ANKS1B: variants seen among roughly 807,000 people sequenced by gnomAD.
The protein encoded by ANKS1B is ankyrin repeat and sterile alpha motif domain containing 1B, also known as ankyrin repeat and sterile alpha motif domain-containing protein 1B.
A neutral mutation model predicts 148.3 loss-of-function variants in ANKS1B; 36 were observed. The ratio of observed to expected loss-of-function variants is 0.24; its 90% confidence interval spans 0.19 to 0.32. The LOEUF is 0.32. ANKS1B is among the 10% of genes least tolerant of loss of function. The pLI is 1.00. For missense variants in ANKS1B, 1,157 were observed against 1,542.6 expected, an observed-to-expected ratio of 0.75 and a Z score of 4.19; for synonymous variants, 542 against 560.8, an observed-to-expected ratio of 0.97 and a Z score of 0.47.
At chr12:99,915,560 G>C (rs1176650259) in intron 1 of ANKS1B, among the ~76,000 whole-genome samples, 2 of 152,150 alleles carry the variant, frequency 1.3e-5, no homozygotes, top group African/African-American at 4.8e-5. Flanking sequence ...ATCAGAGGTG[G>C]CACTTAGCCA....
At chr12:99,094,671 A>G (rs1214319798) in intron 15 of ANKS1B, among the ~76,000 whole-genome samples, 1 of 152,182 alleles carries the variant, frequency 6.6e-6, no homozygotes, top group Non-Finnish European at 1.5e-5. Flanking sequence ...TGAGGTGAGG[A>G]AAAAGGTGAG....
chr12:99,655,205 G>C lies in ANKS1B; in HGVS notation c.1134C>G (p.Thr378=). The C allele has an allele frequency of 1.2e-6, 2 of 1,604,536 alleles. No homozygotes were observed. Among genetic ancestry groups the C allele is most frequent in the Non-Finnish European group, 1.7e-6 (2 of 1,174,664 alleles). ...CTGGTGACAAATTGATTGTAGATGA[G>C]GTTCTCTGAAATTAAATTTATATCA... The part of the protein sequence containing the change: ...LGKNGSQSVR[T]SSTINLSPGE... The change falls in exon 9 of 27, where the codon ACC becomes ACG. Residue 378 remains threonine (T), a synonymous_variant. Coordinates refer to ENST00000683438, the MANE Select transcript of ANKS1B (RefSeq NM_001352186.2).
intron 10 of ANKS1B, 64 bp from the exon 11 acceptor site, chr12:99,443,873 T>G: frequency 6.6e-7 from 1 of 1,518,426 alleles, no homozygotes; most frequent in Non-Finnish European, 8.9e-7. Context: ...GACTTGAAAT[T>G]AATTTTCTGA....
intron 7 of ANKS1B, among the ~76,000 whole-genome samples, chr12:99,774,115 A>T (rs1650156497): frequency 6.6e-6 from 1 of 152,134 alleles, no homozygotes; most frequent in Non-Finnish European, 1.5e-5. Context: ...TATGAACAAA[A>T]GCAAAAATGA....
chr12:99,596,828 T>C (rs567630775), intron 9 of ANKS1B, among the ~76,000 whole-genome samples: 3 of 151,964 alleles, frequency 2.0e-5, no homozygotes, highest in South Asian at 4.1e-4. Context: ...TACCTCAGGA[T>C]AGGGCAAAAA....
intron 10 of ANKS1B, among the ~76,000 whole-genome samples, chr12:99,502,574 C>T (rs2096666079): frequency 6.6e-6 from 1 of 152,134 alleles, no homozygotes; most frequent in Admixed American, 6.5e-5. Flanking sequence ...TTTAAGAGCA[C>T]AAGTTAGACA....
chr12:99,006,926 A>C (rs2099936475), intron 17 of ANKS1B, among the ~76,000 whole-genome samples: 1 of 152,214 alleles, frequency 6.6e-6, no homozygotes, highest in Non-Finnish European at 1.5e-5. Flanking sequence ...TTCATCTATC[A>C]GGTAAGCTAA....
chr12:99,788,253 A>G (rs1466571008), intron 4 of ANKS1B, among the ~76,000 whole-genome samples: 1 of 152,220 alleles, frequency 6.6e-6, no homozygotes, highest in Non-Finnish European at 1.5e-5. Context: ...GAGGAGAGTG[A>G]AGAGTAAAGA....
intron 17 of ANKS1B, among the ~76,000 whole-genome samples, chr12:98,870,779 G>A (rs2099660212): frequency 6.6e-6 from 1 of 152,256 alleles, no homozygotes; most frequent in Non-Finnish European, 1.5e-5. Context: ...GCATCCAGGA[G>A]GCAGGCCCAG....
intron 12 of ANKS1B, among the ~76,000 whole-genome samples, chr12:99,290,794 T>C (rs970227878): frequency 6.6e-6 from 1 of 152,070 alleles, no homozygotes; most frequent in Non-Finnish European, 1.5e-5. Flanking sequence ...AAGCTATATA[T>C]GACAGACTCA....
intron 8 of ANKS1B, among the ~76,000 whole-genome samples, chr12:99,766,191 C>G (rs1290436345): frequency 6.6e-6 from 1 of 152,124 alleles, no homozygotes; most frequent in Non-Finnish European, 1.5e-5. Flanking sequence ...AATGAACTTT[C>G]ACTGAGAGAC....
chr12:99,855,741 A>C (rs2088911696), intron 1 of ANKS1B, among the ~76,000 whole-genome samples: 1 of 152,158 alleles, frequency 6.6e-6, no homozygotes, highest in African/African-American at 2.4e-5. Flanking sequence ...ATAAAATGGA[A>C]AATCAACTCC....
At chr12:98,795,646 A>T (rs1432870646) in intron 22 of ANKS1B, 2 of 452,316 alleles carry the variant, frequency 4.4e-6, no homozygotes, top group Admixed American at 4.8e-5. Flanking sequence ...TATTATTTGC[A>T]CATAAAATAA....
At chr12:99,406,441 G>A (rs2094534339) in intron 11 of ANKS1B, among the ~76,000 whole-genome samples, 1 of 145,520 alleles carries the variant, frequency 6.9e-6, no homozygotes, top group Non-Finnish European at 1.5e-5. Context: ...GGTCAATGAA[G>A]AAATTAAGAG....
intron 8 of ANKS1B, among the ~76,000 whole-genome samples, chr12:99,762,694 G>C (rs1406096634): frequency 6.6e-6 from 1 of 151,804 alleles, no homozygotes; most frequent in African/African-American, 2.4e-5. Context: ...CTTCTGCACA[G>C]AAAAAGAAAC....
intron 1 of ANKS1B, among the ~76,000 whole-genome samples, chr12:99,877,921 T>G (rs542997271): frequency 1.3e-5 from 2 of 152,118 alleles, no homozygotes; most frequent in South Asian, 4.2e-4. Context: ...TAGCCAGACA[T>G]TGGTGGCTTG....
chr12:99,344,502 T>C (rs1303973059), intron 12 of ANKS1B, among the ~76,000 whole-genome samples: 1 of 152,044 alleles, frequency 6.6e-6, no homozygotes, highest in Non-Finnish European at 1.5e-5. Context: ...GGCCCTTACA[T>C]AAAATTTTGT....
At chr12:99,391,984 T>C (rs2094088764) in intron 12 of ANKS1B, among the ~76,000 whole-genome samples, 1 of 152,268 alleles carries the variant, frequency 6.6e-6, no homozygotes, top group South Asian at 2.1e-4. Flanking sequence ...TTGAAAGTAC[T>C]GAACTTACCA....
chr12:99,008,666 G>C (rs1351440507), intron 17 of ANKS1B, among the ~76,000 whole-genome samples: 1 of 152,132 alleles, frequency 6.6e-6, no homozygotes, highest in Non-Finnish European at 1.5e-5. Flanking sequence ...CATTTAGGTA[G>C]ATATGCTGAA....
Sources: allele counts gnomAD v4.1 joint callset (sites outside exome capture counted in the v4.1 genomes callset), GRCh38; gene constraint gnomAD v4.1.1; transcripts MANE v1.5; gene names NCBI Gene and HGNC (gene_info 2026-07-23, HGNC 2026-07-21).